WFDC1: variants seen among roughly 807,000 people sequenced by gnomAD.
The protein encoded by WFDC1 is WAP four-disulfide core domain protein 1.
In WFDC1, 39 loss-of-function variants were observed where a neutral mutation model predicts 32.9. The ratio of observed to expected loss-of-function variants is 1.19; its 90% CI spans 0.92 to 1.55. The LOEUF (loss-of-function observed/expected upper bound fraction) is 1.55, where lower values mean the gene tolerates loss of function less well. WFDC1 is among the 40% of genes most tolerant of loss of function. The pLI is 0.00. For missense variants in WFDC1, 386 were observed against 309.5 expected, an observed-to-expected ratio of 1.25 and a Z score of -1.85; for synonymous variants, 184 against 137.4, an observed-to-expected ratio of 1.34 and a Z score of -2.37.
chr16:84,324,858 ACCAT>A (rs1908496770), intron 5 of WFDC1, among the ~76,000 whole-genome samples: 2 of 151,580 alleles, frequency 1.3e-5, no homozygotes, highest in South Asian at 2.1e-4. Context: ...CCATCTACCC[ACCAT>A]CCATCCATCC....
At position 84,295,273 on chromosome 16, in the gene WFDC1, G is replaced by A. The variant is rs975306558; in HGVS notation, c.144+158G>A. On this transcript the variant is annotated intron_variant, in intron 1 of 6. Coordinates refer to ENST00000219454, the MANE Select transcript of WFDC1 (RefSeq NM_021197.4). ...CCGTGTGTGTCTGAGTTGTGTGGTG[G>A]GCAGATGGGGCTCACCCCCAAAAAA... The A allele has an allele frequency of 3.6e-5, 32 of 898,792 alleles. No homozygotes were observed. In the African/African-American group the frequency reaches 4.0e-4, roughly 11 times the overall value. 55.7% of individuals were successfully genotyped at this position (898,792 alleles called of 1,614,324 possible). A position where few individuals can be genotyped will look rare whatever the true frequency, so the allele number is the denominator to read the frequency against.
intron 6 of WFDC1, 102 bp downstream of exon 6, chr16:84,327,057 C>T (rs548774747): frequency 2.0e-5 from 22 of 1,104,372 alleles, no homozygotes; most frequent in South Asian, 7.9e-5. Context: ...GTGAGAGTAG[C>T]GCTTTCCCTA....
chr16:84,300,020 T>C (rs1363102722), intron 1 of WFDC1, among the ~76,000 whole-genome samples: 4 of 152,258 alleles, frequency 2.6e-5, no homozygotes, highest in African/African-American at 9.6e-5. Context: ...TCCCCCATTA[T>C]TTCTGTGAGC....
At chr16:84,314,604 C>T (rs539833821) in intron 2 of WFDC1, among the ~76,000 whole-genome samples, 2 of 152,264 alleles carry the variant, frequency 1.3e-5, no homozygotes, top group South Asian at 2.1e-4. Context: ...GGACTCAGCA[C>T]ACTTAATCAT....
intron 4 of WFDC1, among the ~76,000 whole-genome samples, chr16:84,323,240 C>A (rs1908409049): frequency 6.6e-6 from 1 of 152,180 alleles, no homozygotes; most frequent in African/African-American, 2.4e-5. Flanking sequence ...GTGCTGGTCC[C>A]AAACAGCCTG....
At chr16:84,297,305 A>G (rs749035490) in intron 1 of WFDC1, among the ~76,000 whole-genome samples, 118 of 152,110 alleles carry the variant, frequency 7.8e-4, no homozygotes, top group Non-Finnish European at 1.4e-3. Context: ...GCGCCTAGAC[A>G]TAGGTGAGGT....
intron 1 of WFDC1, among the ~76,000 whole-genome samples, chr16:84,303,733 T>C (rs998958902): frequency 1.3e-5 from 2 of 152,216 alleles, no homozygotes; most frequent in Admixed American, 1.3e-4. Context: ...GTGTTTAGTA[T>C]ACTCAGAGTC....
At chr16:84,323,962 A>C (rs1908445716) in intron 4 of WFDC1, among the ~76,000 whole-genome samples, 1 of 152,144 alleles carries the variant, frequency 6.6e-6, no homozygotes, top group African/African-American at 2.4e-5. Context: ...CTCTACTCAA[A>C]ATACAAAATT....
At chr16:84,316,122 TGTG>T (rs1321334155) in intron 2 of WFDC1, 2 of 152,208 alleles carry the variant, frequency 1.3e-5, no homozygotes, top group Non-Finnish European at 2.9e-5. Flanking sequence ...CGTGGTCTGA[TGTG>T]GTGGTGGAAA....
chr16:84,308,881 A>G lies in WFDC1; in HGVS notation c.145-4080A>G, dbSNP rs143266851. ...CCTGGGTGTAGACGCCAGCCTGGGC[A>G]TAGATGCCATCCTGGGTGTAGACAC... On this transcript the variant is annotated intron_variant, in intron 1 of 6. Coordinates refer to ENST00000219454, the MANE Select transcript of WFDC1 (RefSeq NM_021197.4). Among the ~76,000 whole-genome samples, 77 of 151,320 alleles carry G rather than the reference A, an allele frequency of 5.1e-4. No homozygotes were observed. In the East Asian group the frequency reaches 0.013, roughly 26 times the overall value.
chr16:84,328,517 T>C (rs1326528921), intron 6 of WFDC1: 1 of 152,190 alleles, frequency 6.6e-6, no homozygotes, highest in Admixed American at 6.5e-5. Context: ...CCAGCACGTC[T>C]GTTACCTGCT....
intron 2 of WFDC1, among the ~76,000 whole-genome samples, chr16:84,314,171 A>G (rs1176746335): frequency 6.6e-6 from 1 of 152,148 alleles, no homozygotes; most frequent in African/African-American, 2.4e-5. Flanking sequence ...CACGATGCCA[A>G]CCTCTCGGGG....
At chr16:84,306,923 G>A (rs1907297182) in intron 1 of WFDC1, among the ~76,000 whole-genome samples, 1 of 152,166 alleles carries the variant, frequency 6.6e-6, no homozygotes, top group South Asian at 2.1e-4. Context: ...GCAAACAAAT[G>A]AGTTCATAAT....
At chr16:84,323,001 G>T (rs1039115903) in intron 4 of WFDC1, among the ~76,000 whole-genome samples, 3 of 152,126 alleles carry the variant, frequency 2.0e-5, no homozygotes, top group African/African-American at 7.2e-5. Flanking sequence ...CTGAGGAGGG[G>T]GTCCGGGGTC....
intron 2 of WFDC1, among the ~76,000 whole-genome samples, chr16:84,315,617 G>C (rs1357328071): frequency 6.6e-6 from 1 of 152,168 alleles, no homozygotes; most frequent in Non-Finnish European, 1.5e-5. Flanking sequence ...TGCTGGGCAG[G>C]GGGGCGCTCT....
chr16:84,298,932 C>G (rs1200649821), intron 1 of WFDC1, among the ~76,000 whole-genome samples: 1 of 152,204 alleles, frequency 6.6e-6, no homozygotes, highest in Non-Finnish European at 1.5e-5. Context: ...CCTCGGTTTC[C>G]TCATCTGCAG....
intron 1 of WFDC1, among the ~76,000 whole-genome samples, chr16:84,305,391 C>T (rs1415943022): frequency 6.6e-6 from 1 of 152,222 alleles, no homozygotes; most frequent in African/African-American, 2.4e-5. Flanking sequence ...GTGGCTGTTT[C>T]CGCATGGCCC....
chr16:84,304,756 G>A (rs747258042), intron 1 of WFDC1, among the ~76,000 whole-genome samples: 15 of 152,148 alleles, frequency 9.9e-5, no homozygotes, highest in African/African-American at 1.4e-4. Context: ...GCATTATTTT[G>A]TTTTCATCTG....
intron 4 of WFDC1, among the ~76,000 whole-genome samples, chr16:84,322,900 G>C (rs1220571661): frequency 1.3e-5 from 2 of 152,194 alleles, no homozygotes; most frequent in East Asian, 3.8e-4. Flanking sequence ...GAAGAATGAA[G>C]TGGGGCTTGT....
Sources: allele counts gnomAD v4.1 joint callset (sites outside exome capture counted in the v4.1 genomes callset), GRCh38; gene constraint gnomAD v4.1.1; transcripts MANE v1.5; gene names NCBI Gene and HGNC (gene_info 2026-07-23, HGNC 2026-07-21).